DNAJB6: variants seen among roughly 807,000 people sequenced by gnomAD.
The protein encoded by DNAJB6 is dnaJ homolog subfamily B member 6.
In DNAJB6, 16 loss-of-function variants were observed where a neutral mutation model predicts 42.7. The ratio of observed to expected loss-of-function variants is 0.37; its 90% CI spans 0.25 to 0.57. The LOEUF is 0.57. Among genes scored for constraint, DNAJB6 ranks in the 20% least tolerant of loss-of-function variants. The pLI, the probability that DNAJB6 is intolerant of heterozygous loss-of-function variation, is 0.74. For missense variants in DNAJB6, 347 were observed against 416.8 expected (o/e 0.83, Z 1.46); for synonymous variants, 170 against 163.5 (o/e 1.04, Z -0.30).
At position 157,417,162 on chromosome 7, in the gene DNAJB6, G is replaced by A. The variant is rs1376538983; in HGVS notation, c.*1064G>A. 6.6e-6 allele frequency: 1 copy of A among 152,198 alleles called. No individual in the cohort carries two copies. Among genetic ancestry groups the A allele is most frequent in the Non-Finnish European group, 1.5e-5 (1 of 68,044 alleles). The allele number at this position is 152,198 out of a possible 1,614,324, so 9.4% of individuals were successfully genotyped here. The stretch of plus-strand genomic sequence containing the variant: ...ACTTGAGGGCATTGTGAAAAGCTTT[G>A]CTGTGATTTAAAAATGCCAGCAATT... On this transcript the variant is annotated 3_prime_UTR_variant, in exon 10 of 10. Transcript: ENST00000262177.
In DNAJB6 at chr7:157,409,805, C is replaced by G. The variant is rs568383912; in HGVS notation, c.702C>G (p.Asp234Glu). 102 of 1,527,746 alleles carry G rather than the reference C, an allele frequency of 6.7e-5. No homozygotes were observed. The Middle Eastern group carries it at 9.2e-4, about 14-fold the overall frequency. 94.6% of individuals were successfully genotyped at this position (1,527,746 alleles called of 1,614,324 possible). Residue 234 changes from aspartate to glutamate, a missense_variant, in exon 9 of 10, where the codon GAC (aspartate) becomes GAG (glutamate). Physicochemically the swap from Asp to Glu is conservative, Grantham distance 45. This residue lies in a region of DNAJB6 where 264 missense variants were observed against 288.0 expected (regional missense o/e 0.92). Coordinates refer to ENST00000262177, the MANE Select transcript of DNAJB6 (RefSeq NM_058246.4). Reference protein sequence around the residue: ...LKSLTINGVADDDALAEERMR... With the variant: ...LKSLTINGVAEDDALAEERMR... ...CCGCTGTGCCTGCAGGTGTGGCCGA[C>G]GACGATGCCCTCGCTGAGGAGCGCA...
chr7:157,366,675 C>A, intron 4 of DNAJB6, 114 bp downstream of exon 4: 2 of 928,284 alleles, frequency 2.2e-6, no homozygotes, highest in Non-Finnish European at 3.4e-6. Context: ...AGAGATGCAA[C>A]GTAGAAAGCG....
At chr7:157,355,467 C>G (rs1316495151) in intron 1 of DNAJB6, among the ~76,000 whole-genome samples, 1 of 152,206 alleles carries the variant, frequency 6.6e-6, no homozygotes, top group Non-Finnish European at 1.5e-5. Flanking sequence ...GCCAGCATTC[C>G]CGTGGTTTCT....
At chr7:157,353,848 G>A (rs968496840) in intron 1 of DNAJB6, among the ~76,000 whole-genome samples, 1 of 151,120 alleles carries the variant, frequency 6.6e-6, no homozygotes, top group Non-Finnish European at 1.5e-5. Flanking sequence ...TTTTTTTGTT[G>A]CACAGAGTTC....
chr7:157,372,863 T>G (rs1800285047), intron 5 of DNAJB6, among the ~76,000 whole-genome samples: 1 of 152,192 alleles, frequency 6.6e-6, no homozygotes, highest in Non-Finnish European at 1.5e-5. Flanking sequence ...CCCCAGCTGT[T>G]CTTCTCCCTA....
At position 157,388,609 on chromosome 7, in the gene DNAJB6, T is replaced by TA. The variant is rs528557016; in HGVS notation, c.691+2998_691+2999insA. Among the ~76,000 whole-genome samples, 21 of 150,040 alleles carry TA rather than the reference T, an allele frequency of 1.4e-4. No homozygotes were observed. In the East Asian group the frequency reaches 3.5e-3, roughly 25 times the overall value. ...TTTTTAAGTTTTATTTTTAAAGTCT[T>TA]TAATTTTTAAAAATACTTCAATAGC... On this transcript the variant is annotated intron_variant, in intron 8 of 9. Transcript: ENST00000262177.
chr7:157,350,825 T>C (rs888522464), intron 1 of DNAJB6, among the ~76,000 whole-genome samples: 1 of 151,204 alleles, frequency 6.6e-6, no homozygotes, highest in Non-Finnish European at 1.5e-5. Context: ...GAGTCTTAGC[T>C]GGCGTTACAG....
chr7:157,340,835 A>G (rs1798323247), intron 1 of DNAJB6, among the ~76,000 whole-genome samples: 1 of 151,944 alleles, frequency 6.6e-6, no homozygotes, highest in Non-Finnish European at 1.5e-5. Context: ...CGCCTGGCTA[A>G]TTTTTGTATT....
At chr7:157,374,977 T>A (rs745753855) in intron 5 of DNAJB6, among the ~76,000 whole-genome samples, 1 of 152,390 alleles carries the variant, frequency 6.6e-6, no homozygotes, top group East Asian at 1.9e-4. Flanking sequence ...AGTGGGATTT[T>A]GGTCCCTGGT....
intron 1 of DNAJB6, among the ~76,000 whole-genome samples, chr7:157,349,517 C>T (rs1450700578): frequency 2.0e-5 from 3 of 151,812 alleles, no homozygotes; most frequent in East Asian, 1.9e-4. Context: ...GAGTCTTGCT[C>T]GGTCACCCAG....
chr7:157,395,688 T>TC (rs1328799576), intron 8 of DNAJB6, among the ~76,000 whole-genome samples: 7 of 144,804 alleles, frequency 4.8e-5, no homozygotes, highest in African/African-American at 1.5e-4. Flanking sequence ...TCTTTTCTTT[T>TC]TTTTTTTTTT....
chr7:157,407,211 T>C (rs527550742), intron 8 of DNAJB6, among the ~76,000 whole-genome samples: 8 of 152,294 alleles, frequency 5.3e-5, no homozygotes, highest in African/African-American at 1.9e-4. Flanking sequence ...CCTGCCCCCA[T>C]TTTCCCTCCG....
In DNAJB6 at chr7:157,366,372, AGGT is replaced by A. The variant is rs1799844518; in HGVS notation, c.176-127_176-125del. Reference sequence around the variant, plus strand: ...GTTGCTTTGTTTTGTTTTAAAGAAAAGGTGGCCATACTCCTTGAAATTCAGTTG... The same window carrying A: ...GTTGCTTTGTTTTGTTTTAAAGAAAAGGCCATACTCCTTGAAATTCAGTTG... On this transcript the variant is annotated intron_variant, in intron 3 of 9. Coordinates refer to ENST00000262177, the MANE Select transcript of DNAJB6 (RefSeq NM_058246.4). 4 of 733,814 alleles carry A rather than the reference AGGT, an allele frequency of 5.5e-6. No homozygotes were observed. The Admixed American group carries it at 8.8e-5, about 16-fold the overall frequency. The allele number at this position is 733,814 out of a possible 1,614,324, so 45.5% of individuals were successfully genotyped here. A position where few individuals can be genotyped will look rare whatever the true frequency, so the allele number is the denominator to read the frequency against.
chr7:157,368,079 A>C (rs1473521923), intron 5 of DNAJB6, among the ~76,000 whole-genome samples: 1 of 152,098 alleles, frequency 6.6e-6, no homozygotes, highest in Non-Finnish European at 1.5e-5. Flanking sequence ...GGGCCACTGC[A>C]CTCCAGCTTG....
Position 157,358,654 on chromosome 7 carries a change from C to A in DNAJB6, c.65+17C>A, listed in dbSNP as rs532279031. The A allele has an allele frequency of 2.0e-5, 32 of 1,594,262 alleles. 1 individual carries two copies. The highest frequency in any genetic ancestry group is 1.3e-4 in the African/African-American group (10 of 74,682). On this transcript the variant is annotated intron_variant, in intron 2 of 9. Transcript: ENST00000262177. ...TAAAAAGGCGTAAGTAGTTTTATTTCTGTGGTAATGCATTTTCACAGTGGT... is the reference window on the plus strand; with the variant it reads ...TAAAAAGGCGTAAGTAGTTTTATTTATGTGGTAATGCATTTTCACAGTGGT...
chr7:157,382,085 A>G, intron 5 of DNAJB6, 161 bp from the exon 6 acceptor site: 1 of 607,184 alleles, frequency 1.6e-6, no homozygotes, highest in South Asian at 2.7e-5. Context: ...TTGGTGAGGT[A>G]GTGTTTCAGT....
intron 5 of DNAJB6, chr7:157,379,308 T>C (rs1027551220): frequency 1.3e-5 from 2 of 152,200 alleles, no homozygotes; most frequent in East Asian, 3.8e-4. Context: ...TCTAAGGGTT[T>C]AGTTGCCATG....
Position 157,389,406 on chromosome 7 carries a change from ATGT to A in DNAJB6, c.691+3800_691+3802del, listed in dbSNP as rs376349815. Among the ~76,000 whole-genome samples, 247 of 152,316 alleles carry A rather than the reference ATGT, an allele frequency of 1.6e-3. 2 individuals are homozygous for A. The highest frequency in any genetic ancestry group is 4.7e-3 in the Admixed American group (72 of 15,300). On this transcript the variant is annotated intron_variant, in intron 8 of 9. Coordinates refer to ENST00000262177, the MANE Select transcript of DNAJB6 (RefSeq NM_058246.4). ...ATGTTCAGTGACAGAATGGAGGCAG[ATGT>A]TGTTATTTCGGAGGTTTTCAAGCAC...
At chr7:157,386,756 C>CCT (rs1801082786) in intron 8 of DNAJB6, among the ~76,000 whole-genome samples, 3 of 151,906 alleles carry the variant, frequency 2.0e-5, no homozygotes, top group Non-Finnish European at 4.4e-5. Context: ...TGGTGGCAGG[C>CCT]GCCTGTAATC....
Sources: allele counts gnomAD v4.1 joint callset (sites outside exome capture counted in the v4.1 genomes callset), GRCh38; gene constraint gnomAD v4.1.1; regional missense constraint gnomAD v4.1.1; transcripts MANE v1.5; gene names NCBI Gene and HGNC (gene_info 2026-07-23, HGNC 2026-07-21).